The following KAT2B variants were observed in gnomAD, a reference collection of about 807,000 sequenced individuals.
KAT2B encodes histone acetyltransferase KAT2B.
Under a neutral mutation model 105.9 loss-of-function variants are expected in KAT2B, and 36 were observed. That is an observed-to-expected ratio of 0.34 (90% CI 0.26 to 0.45). KAT2B has a LOEUF of 0.45. KAT2B is among the 20% of genes least tolerant of loss of function. The pLI, the probability that KAT2B is intolerant of heterozygous loss-of-function variation, is 1.00. For missense variants in KAT2B, 820 were observed against 1,021.6 expected, an observed-to-expected ratio of 0.80 and a Z score of 2.69; for synonymous variants, 397 against 377.9, an observed-to-expected ratio of 1.05 and a Z score of -0.59.
At chr3:20,082,842 G>A (rs1698543866) in intron 2 of KAT2B, among the ~76,000 whole-genome samples, 1 of 152,074 alleles carries the variant, frequency 6.6e-6, no homozygotes, top group East Asian at 1.9e-4. Flanking sequence ...TAGTACATAA[G>A]GTTTATTCAA....
At chr3:20,148,940 G>A (rs1699822785) in intron 17 of KAT2B, 1 of 156,362 alleles carries the variant, frequency 6.4e-6, no homozygotes, top group Non-Finnish European at 1.4e-5. Context: ...TGTACTTTCA[G>A]AGGGAGAAAT....
chr3:20,114,890 C>A lies in KAT2B; in HGVS notation c.1052C>A (p.Ser351Tyr). The change falls in exon 7 of 18, where the codon TCC becomes TAC. Residue 351 changes from serine (S) to tyrosine (Y), a missense_variant. Transcript: ENST00000263754. ...ATTACTCTTGTGTCTAGATTTCTGT[C>A]CATGCTAGAAGAAGAAGTATATAGT... is the stretch of plus-strand genomic sequence containing the variant. The part of the protein sequence containing the change: ...LILTHFPKFL[S>Y]MLEEEVYSQN... 6.3e-7 allele frequency: 1 copy of A among 1,587,384 alleles called. No homozygotes were observed. Among genetic ancestry groups the A allele is most frequent in the Non-Finnish European group, 8.6e-7 (1 of 1,157,464 alleles).
chr3:20,087,205 G>T (rs1474200973), intron 2 of KAT2B, among the ~76,000 whole-genome samples: 1 of 152,180 alleles, frequency 6.6e-6, no homozygotes, highest in African/African-American at 2.4e-5. Context: ...GGATGATACC[G>T]AGTGTTTCCA....
chr3:20,142,885 C>CTGTGTG (rs55845090), intron 13 of KAT2B, among the ~76,000 whole-genome samples: 1 of 139,712 alleles, frequency 7.2e-6, no homozygotes, highest in Non-Finnish European at 1.6e-5. Flanking sequence ...ATCTATGTGC[C>CTGTGTG]TGTGTGTGTG....
intron 2 of KAT2B, among the ~76,000 whole-genome samples, chr3:20,073,824 C>T (rs1187923703): frequency 1.3e-5 from 2 of 152,212 alleles, no homozygotes; most frequent in Non-Finnish European, 2.9e-5. Flanking sequence ...TGTCTGGACT[C>T]AAGAAATCCT....
chr3:20,072,214 A>G, intron 1 of KAT2B, 119 bp from the exon 2 acceptor site: 1 of 1,055,004 alleles, frequency 9.5e-7, no homozygotes, highest in Non-Finnish European at 1.4e-6. Flanking sequence ...ATGGCAGACG[A>G]CAAAGTCAGG....
intron 5 of KAT2B, among the ~76,000 whole-genome samples, chr3:20,107,564 A>G (rs1404649393): frequency 6.8e-6 from 1 of 147,650 alleles, no homozygotes; most frequent in East Asian, 2.3e-4. Context: ...AGGCTGGGGC[A>G]GGAGAGTTGC....
chr3:20,132,948 C>T (rs1401407747), intron 11 of KAT2B, among the ~76,000 whole-genome samples: 1 of 152,228 alleles, frequency 6.6e-6, no homozygotes, highest in Non-Finnish European at 1.5e-5. Context: ...AGACACATTT[C>T]TTACTAATTT....
intron 2 of KAT2B, among the ~76,000 whole-genome samples, chr3:20,073,232 G>A (rs565240366): frequency 1.8e-4 from 28 of 152,262 alleles, no homozygotes; most frequent in African/African-American, 6.7e-4. Context: ...CCTGCCTTCA[G>A]TTATACAGTC....
At chr3:20,091,407 A>G (rs1314487504) in intron 2 of KAT2B, among the ~76,000 whole-genome samples, 1 of 151,958 alleles carries the variant, frequency 6.6e-6, no homozygotes, top group Non-Finnish European at 1.5e-5. Flanking sequence ...AGTCCAGCTA[A>G]AAGTTTGTCC....
At chr3:20,110,205 G>A (rs935537991) in intron 5 of KAT2B, among the ~76,000 whole-genome samples, 1 of 152,138 alleles carries the variant, frequency 6.6e-6, no homozygotes, top group African/African-American at 2.4e-5. Flanking sequence ...TTTTTGGAAG[G>A]CAGTCCTTTC....
At chr3:20,140,770 G>A (rs1206015522) in intron 13 of KAT2B, among the ~76,000 whole-genome samples, 1 of 152,064 alleles carries the variant, frequency 6.6e-6, no homozygotes, top group Non-Finnish European at 1.5e-5. Flanking sequence ...GGGATTACAG[G>A]TGTGAGCCAT....
chr3:20,079,172 A>G (rs1173532408), intron 2 of KAT2B, among the ~76,000 whole-genome samples: 1 of 144,990 alleles, frequency 6.9e-6, no homozygotes, highest in Non-Finnish European at 1.5e-5. Flanking sequence ...AAGTGCTGGG[A>G]TTACAGGCAT....
rs369445086 is a variant in KAT2B at position 20,109,822 on chromosome 3, C to T, written c.852-1774C>T. 1.3e-4 allele frequency among the ~76,000 whole-genome samples: 20 copies of T among 152,066 alleles called. No homozygotes were observed. The East Asian group carries it at 1.4e-3, about 10-fold the overall frequency. On this transcript the variant is annotated intron_variant, in intron 5 of 17. Coordinates refer to ENST00000263754, the MANE Select transcript of KAT2B (RefSeq NM_003884.5). ...AAGATACCCATTTCAGTATTGTAAACATAAACAACATTTGGGTGTAAATTA... is the reference window on the plus strand; with the variant it reads ...AAGATACCCATTTCAGTATTGTAAATATAAACAACATTTGGGTGTAAATTA...
intron 1 of KAT2B, among the ~76,000 whole-genome samples, chr3:20,042,070 G>A (rs1475241432): frequency 2.6e-5 from 4 of 152,190 alleles, no homozygotes; most frequent in Non-Finnish European, 5.9e-5. Flanking sequence ...ACTTTAATGT[G>A]CATGGGAATC....
At chr3:20,072,481 G>A in intron 2 of KAT2B, 22 bp downstream of exon 2, 1 of 1,610,926 alleles carries the variant, frequency 6.2e-7, no homozygotes, top group South Asian at 1.1e-5. Flanking sequence ...AATCTTCAAG[G>A]AAAGTATAAC....
In KAT2B at chr3:20,074,219, A is replaced by T. The variant is rs536506830; in HGVS notation, c.430+1760A>T. Among the ~76,000 whole-genome samples, 61 of 152,336 alleles carry T rather than the reference A, an allele frequency of 4.0e-4. 1 individual carries two copies. In the South Asian group the frequency reaches 0.012, roughly 31 times the overall value. ...ACAGTGTTTTCTGGCCTTACTTACG[A>T]TAGTAAAAAGCATGAAACAACCTAA... On this transcript the variant is annotated intron_variant, in intron 2 of 17. Transcript: ENST00000263754.
At chr3:20,147,896 T>C in intron 14 of KAT2B, 67 bp from the exon 15 acceptor site, 1 of 1,458,816 alleles carries the variant, frequency 6.9e-7, no homozygotes, top group Middle Eastern at 1.7e-4. Context: ...TTTTGATAAG[T>C]ATTAACTATG....
At chr3:20,107,735 A>C (rs1397363718) in intron 5 of KAT2B, among the ~76,000 whole-genome samples, 5 of 150,786 alleles carry the variant, frequency 3.3e-5, no homozygotes, top group Admixed American at 6.6e-5. Flanking sequence ...AAAAATTATT[A>C]AGGATGTATA....
Sources: allele counts gnomAD v4.1 joint callset (sites outside exome capture counted in the v4.1 genomes callset), GRCh38; gene constraint gnomAD v4.1.1; transcripts MANE v1.5; gene names NCBI Gene and HGNC (gene_info 2026-07-23, HGNC 2026-07-21).